MUTYH: variants seen among roughly 807,000 people sequenced by gnomAD.
MUTYH encodes adenine DNA glycosylase.
MUTYH carries 64 observed loss-of-function variants against 72.9 expected under a neutral mutation model. The ratio of observed to expected loss-of-function variants is 0.88; its 90% CI spans 0.72 to 1.08. MUTYH has a LOEUF of 1.08. MUTYH is among the 50% of genes least tolerant of loss of function. The probability of loss-of-function intolerance (pLI) is 0.00; values close to 1 mark genes in which losing one functional copy is unlikely to be tolerated. For missense variants in MUTYH, 633 were observed against 671.0 expected (o/e 0.94, Z 0.63); for synonymous variants, 234 against 263.1 (o/e 0.89, Z 1.07).
At chr1:45,340,267 T>G (rs1057520831), upstream of MUTYH, 3 of 1,613,756 alleles carry the variant, frequency 1.9e-6, no homozygotes, top group Non-Finnish European at 2.5e-6. Flanking sequence ...CCGCCGACAG[T>G]GACGATGGCG....
chr1:45,330,399 C>G (rs1027578157), intron 15 of MUTYH, 117 bp downstream of exon 15: 3 of 1,204,564 alleles, frequency 2.5e-6, no homozygotes, highest in Non-Finnish European at 3.6e-6. Context: ...AACTATTCCT[C>G]CCTCCAGTGA....
At chr1:45,338,313 G>A in intron 1 of MUTYH, 1 of 528,904 alleles carries the variant, frequency 1.9e-6, no homozygotes, top group East Asian at 3.9e-5. Context: ...CTCTAGCCAA[G>A]GTTGACTGAA....
At chr1:45,336,617 T>C (rs546220875) in intron 1 of MUTYH, among the ~76,000 whole-genome samples, 1 of 150,088 alleles carries the variant, frequency 6.7e-6, no homozygotes, top group African/African-American at 2.4e-5. Context: ...CCCCAAAACA[T>C]TGCTCTTAAC....
At chr1:45,330,637 C>T in intron 14 of MUTYH, 80 bp from the exon 15 acceptor site, 3 of 1,480,688 alleles carry the variant, frequency 2.0e-6, no homozygotes, top group Non-Finnish European at 2.8e-6. Context: ...AACTTCATGT[C>T]CCAGTACTTT....
At chr1:45,338,748 T>G (rs1557508703) in intron 1 of MUTYH, 17 of 90,082 alleles carry the variant, frequency 1.9e-4, no homozygotes, top group Non-Finnish European at 4.1e-4. Flanking sequence ...ATTTTTGTTT[T>G]TTTTTTGTTT....
In MUTYH at chr1:45,331,525, G is replaced by C. The variant is rs759460243; in HGVS notation, c.1134C>G (p.Ser378=). ...GCTGCTCTGAGGGCTCCCAGGTCACGGACGGGAACTCCCACAGTCCTGCCA... is the reference window on the plus strand; with the variant it reads ...GCTGCTCTGAGGGCTCCCAGGTCACCGACGGGAACTCCCACAGTCCTGCCA... ...GLLAGLWEFP[S]VTWEPSEQLQ... The change falls in exon 13 of 16, where the codon TCC becomes TCG. Residue 378 remains serine, a synonymous_variant. Coordinates refer to ENST00000456914, the MANE Select transcript of MUTYH (RefSeq NM_001048174.2). 2 of 1,614,082 alleles carry C rather than the reference G, an allele frequency of 1.2e-6. No individual in the cohort carries two copies. The highest frequency in any genetic ancestry group is 8.5e-7 in the Non-Finnish European group (1 of 1,180,046).
Position 45,331,751 on chromosome 1 carries a change from G to C in MUTYH, c.1012C>G (p.Pro338Ala). ...GTGGCAGAGCTCTCCTCCCTGGGGG[G>C]CTTGCGGCTGGCCTTTCTGGGGAAG... is the stretch of plus-strand genomic sequence containing the variant. ...VNFPRKASRK[P>A]PREESSATCV... The change falls in exon 12 of 16, where the codon CCC becomes GCC. Residue 338 changes from proline to alanine, a missense_variant. Coordinates refer to ENST00000456914, the MANE Select transcript of MUTYH (RefSeq NM_001048174.2). 1 of 1,614,106 alleles carries C rather than the reference G, an allele frequency of 6.2e-7. No homozygotes were observed. The highest frequency in any genetic ancestry group is 1.3e-5 in the African/African-American group (1 of 75,062).
At chr1:45,333,238 C>G (rs1306633611) in intron 4 of MUTYH, 47 bp downstream of exon 4, 1 of 1,614,140 alleles carries the variant, frequency 6.2e-7, no homozygotes, top group South Asian at 1.1e-5. Flanking sequence ...CCCCCAGACC[C>G]AAGGGCCTCG....
At chr1:45,337,809 T>A (rs944354477) in intron 1 of MUTYH, among the ~76,000 whole-genome samples, 2 of 152,214 alleles carry the variant, frequency 1.3e-5, no homozygotes, top group Non-Finnish European at 2.9e-5. Flanking sequence ...GCACTTGGCA[T>A]ACTTCAGTAA....
intron 1 of MUTYH, chr1:45,339,647 C>G: frequency 1.1e-5 from 4 of 372,448 alleles, no homozygotes; most frequent in East Asian, 7.6e-5. Context: ...TGGATTATTA[C>G]AAAAGCTTCC....
chr1:45,329,242 T>G lies in MUTYH; in HGVS notation c.*64A>C, dbSNP rs1346058644. The stretch of plus-strand genomic sequence containing the variant: ...CATCTCAAAAAAATACAACATAAAA[T>G]AACTACAAAAATAAGCACTTTACTA... On this transcript the variant is annotated 3_prime_UTR_variant, in exon 16 of 16. Coordinates refer to ENST00000456914, the MANE Select transcript of MUTYH (RefSeq NM_001048174.2). 1.9e-6 allele frequency: 3 copies of G among 1,607,282 alleles called. No individual in the cohort carries two copies. Among genetic ancestry groups the G allele is most frequent in the Non-Finnish European group, 2.6e-6 (3 of 1,174,256 alleles).
At chr1:45,340,368 G>A, upstream of MUTYH, 3 of 1,564,926 alleles carry the variant, frequency 1.9e-6, no homozygotes, top group Non-Finnish European at 2.6e-6. Flanking sequence ...AAGGCCTCGG[G>A]CTCATAGTTC....
rs376824989 is a variant in MUTYH, at chr1:45,339,967, A to G, written c.-75T>C. On this transcript the variant is annotated 5_prime_UTR_variant, in exon 1 of 16. Transcript: ENST00000456914. ...CGTTCCCGCCGCGAGAGCAGGAGAG[A>G]AAGATTACCTCCCGCGAGCTCTAGC... 5.3e-6 allele frequency: 8 copies of G among 1,520,626 alleles called. No individual in the cohort carries two copies. Among genetic ancestry groups the G allele is most frequent in the East Asian group, 2.6e-5 (1 of 38,390 alleles). 94.2% of individuals were successfully genotyped at this position (1,520,626 alleles called of 1,614,324 possible).
At chr1:45,329,479 G>C in intron 15 of MUTYH, 42 bp from the exon 16 acceptor site, 1 of 1,611,668 alleles carries the variant, frequency 6.2e-7, no homozygotes, top group Non-Finnish European at 8.5e-7. Context: ...AGTTGGGGGA[G>C]GGGGAGCAGA....
chr1:45,338,823 C>T (rs1646414549), intron 1 of MUTYH, among the ~76,000 whole-genome samples: 1 of 151,710 alleles, frequency 6.6e-6, no homozygotes, highest in African/African-American at 2.4e-5. Flanking sequence ...GGCTGGAGTG[C>T]AATAAGAACA....
rs1204092840 is a variant in MUTYH at position 45,339,914 on chromosome 1, A to C, written c.-22T>G. 4 of 1,437,470 alleles carry C rather than the reference A, an allele frequency of 2.8e-6. No individual in the cohort carries two copies. The highest frequency in any genetic ancestry group is 2.8e-5 in the African/African-American group (2 of 70,512). The allele number at this position is 1,437,470 out of a possible 1,614,324, so 89.0% of individuals were successfully genotyped here. On this transcript the variant is annotated 5_prime_UTR_variant, in exon 1 of 16. Coordinates refer to ENST00000456914, the MANE Select transcript of MUTYH (RefSeq NM_001048174.2). The stretch of plus-strand genomic sequence containing the variant: ...TACCCGCTACCCGCGGCCCACGCTG[A>C]TGAAGACAGCAGAACACGGAGGCCC...
rs587781703 is a variant in MUTYH, at chr1:45,331,792, G to A, written c.971C>T (p.Thr324Ile). The change falls in exon 12 of 16, where the codon ACC becomes ATC. Residue 324 changes from threonine (T) to isoleucine (I), a missense_variant. Thr to Ile is a moderately conservative substitution (Grantham distance 89, BLOSUM62 -1). Transcript: ENST00000456914. ...CLPPSEPWDQ[T>I]LGVVNFPRKA... Reference sequence around the variant, plus strand: ...TCTGGGGAAGTTGACCACTCCCAGGGTCTGGTCCCAGGGCTCCGAGGGAGG... The same window carrying A: ...TCTGGGGAAGTTGACCACTCCCAGGATCTGGTCCCAGGGCTCCGAGGGAGG... 6 of 1,613,040 alleles carry A rather than the reference G, an allele frequency of 3.7e-6. No individual in the cohort carries two copies. The highest frequency in any genetic ancestry group is 5.1e-6 in the Non-Finnish European group (6 of 1,179,450).
At chr1:45,330,625 T>A in intron 14 of MUTYH, 68 bp from the exon 15 acceptor site, 1 of 1,516,190 alleles carries the variant, frequency 6.6e-7, no homozygotes, top group Non-Finnish European at 9.0e-7. Context: ...TGTTCTGCCC[T>A]TAACTTCATG....
At chr1:45,331,897 G>A (rs200945840) in intron 11 of MUTYH, 48 bp from the exon 12 acceptor site, 19 of 1,606,422 alleles carry the variant, frequency 1.2e-5, no homozygotes, top group Middle Eastern at 1.8e-4. Flanking sequence ...AGGGCTTTAG[G>A]GGCCAACCTA....
Sources: gnomAD v4.1 joint callset for allele counts (sites outside exome capture counted in the v4.1 genomes callset) on GRCh38, gnomAD v4.1.1 for gene constraint, MANE v1.5 for transcripts, NCBI Gene and HGNC (gene_info 2026-07-23, HGNC 2026-07-21) for gene names.